Variants in SLC7A6 observed in about 807,000 individuals in gnomAD.
SLC7A6 encodes the protein solute carrier family 7 member 6.
A neutral mutation model predicts 46.6 loss-of-function variants in SLC7A6; 29 were observed. That is an observed-to-expected ratio of 0.62 (90% confidence interval 0.46 to 0.85). The LOEUF (loss-of-function observed/expected upper bound fraction) is 0.85. Among genes scored for constraint, SLC7A6 ranks in the 40% least tolerant of loss-of-function variants. The probability of loss-of-function intolerance (pLI) is 0.00; values close to 1 mark genes in which losing one functional copy is unlikely to be tolerated. For missense variants in SLC7A6, 527 were observed against 647.6 expected (o/e 0.81, Z 2.02); for synonymous variants, 276 against 257.3 (o/e 1.07, Z -0.70).
At chr16:68,280,151 C>T (rs1033234930) in intron 3 of SLC7A6, among the ~76,000 whole-genome samples, 12 of 152,068 alleles carry the variant, frequency 7.9e-5, no homozygotes, top group Admixed American at 2.6e-4. Flanking sequence ...ATAAATTGCA[C>T]GAAACCAATT....
At chr16:68,291,397 G>A in intron 6 of SLC7A6, 65 bp downstream of exon 6, 2 of 1,602,522 alleles carry the variant, frequency 1.2e-6, no homozygotes, top group South Asian at 2.2e-5. Context: ...GCACAGCTCA[G>A]TCTGTCTTAC....
intron 1 of SLC7A6, chr16:68,265,773 A>G (rs1471155056): frequency 1.3e-5 from 2 of 152,046 alleles, no homozygotes; most frequent in Non-Finnish European, 2.9e-5. Context: ...TTTCCTGGCA[A>G]GTGTGTGGAA....
chr16:68,290,168 A>G (rs1002229071), intron 4 of SLC7A6: 1 of 509,970 alleles, frequency 2.0e-6, no homozygotes, highest in African/African-American at 1.9e-5. Flanking sequence ...GGTAAAGTGT[A>G]GGGAGCTAGT....
At position 68,299,692 on chromosome 16, in the gene SLC7A6, G is replaced by A. The variant is rs1342496994; in HGVS notation, c.*2364G>A. ...GCACAGTGTTTTGTTTTTTTCACCC[G>A]GTTGCTGTATGAGAATGGCTTTCAA... On this transcript the variant is annotated 3_prime_UTR_variant, in exon 11 of 11. Transcript: ENST00000219343. The A allele has an allele frequency of 6.6e-6, 1 of 151,986 alleles. No individual in the cohort carries two copies. Among genetic ancestry groups the A allele is most frequent in the East Asian group, 1.9e-4 (1 of 5,192 alleles). 9.4% of individuals were successfully genotyped at this position (151,986 alleles called of 1,614,324 possible).
At chr16:68,284,968 T>A (rs1250741698) in intron 3 of SLC7A6, among the ~76,000 whole-genome samples, 2 of 150,320 alleles carry the variant, frequency 1.3e-5, no homozygotes, top group Admixed American at 6.7e-5. Context: ...GACTCCTGGG[T>A]TCGGCAGTTC....
chr16:68,286,202 GGA>G (rs1172865528), intron 3 of SLC7A6, among the ~76,000 whole-genome samples: 1 of 152,030 alleles, frequency 6.6e-6, no homozygotes, highest in Non-Finnish European at 1.5e-5. Flanking sequence ...ATCACCTGAG[GGA>G]GAGACTTGAG....
chr16:68,301,011 C>G lies in SLC7A6; in HGVS notation c.*3683C>G. The G allele has an allele frequency of 2.7e-6, 3 of 1,114,672 alleles. No individual in the cohort carries two copies. The highest frequency in any genetic ancestry group is 2.2e-6 in the Non-Finnish European group (2 of 914,308). The allele number at this position is 1,114,672 out of a possible 1,614,324, so 69.0% of individuals were successfully genotyped here. A position where few individuals can be genotyped will look rare whatever the true frequency, so the allele number is the denominator to read the frequency against. On this transcript the variant is annotated 3_prime_UTR_variant, in exon 11 of 11. Transcript: ENST00000219343. ...GGCCAAGAAGCTAAAGCTAAAGAAA[C>G]CTTCCTTTTTTCAACGTTTTTTTTT...
chr16:68,300,693 AAGTC>A lies in SLC7A6; in HGVS notation c.*3373_*3376del. On this transcript the variant is annotated 3_prime_UTR_variant, in exon 11 of 11. Coordinates refer to ENST00000219343, the MANE Select transcript of SLC7A6 (RefSeq NM_003983.6). ...TGTTTCTTGGCCCCACTGCCAAAGG[AAGTC>A]AGTCAGTAATTTCACAACCGTTATC... 1.0e-6 allele frequency: 1 copy of A among 985,476 alleles called. No individual in the cohort carries two copies. Among genetic ancestry groups the A allele is most frequent in the Non-Finnish European group, 1.2e-6 (1 of 829,950 alleles). 61.0% of individuals were successfully genotyped at this position (985,476 alleles called of 1,614,324 possible).
At chr16:68,277,808 G>T (rs2042740841) in intron 3 of SLC7A6, among the ~76,000 whole-genome samples, 1 of 151,066 alleles carries the variant, frequency 6.6e-6, no homozygotes, top group Non-Finnish European at 1.5e-5. Flanking sequence ...TGTATTTTTA[G>T]TAGAGACAGG....
rs116148458 is a variant in SLC7A6 at position 68,300,249 on chromosome 16, C to T, written c.*2921C>T. Reference sequence around the variant, plus strand: ...AGTGCTCAGCAGCCACCCGTGTCTACTACTACACAGTGCAGACACAGAACA... The same window carrying T: ...AGTGCTCAGCAGCCACCCGTGTCTATTACTACACAGTGCAGACACAGAACA... On this transcript the variant is annotated 3_prime_UTR_variant, in exon 11 of 11. Coordinates refer to ENST00000219343, the MANE Select transcript of SLC7A6 (RefSeq NM_003983.6). The T allele has an allele frequency of 4.6e-5, 7 of 152,344 alleles. No individual in the cohort carries two copies. Among genetic ancestry groups the T allele is most frequent in the African/African-American group, 1.7e-4 (7 of 41,580 alleles). The allele number at this position is 152,344 out of a possible 1,614,324, so 9.4% of individuals were successfully genotyped here. A position where few individuals can be genotyped will look rare whatever the true frequency, so the allele number is the denominator to read the frequency against.
chr16:68,301,415 C>T lies in SLC7A6; in HGVS notation c.*4087C>T. ...TTGTAGTCAGCAGAGCCTAGAATGACATCCCGGGAGTGGATTCTAAATGTG... is the reference window on the plus strand; with the variant it reads ...TTGTAGTCAGCAGAGCCTAGAATGATATCCCGGGAGTGGATTCTAAATGTG... On this transcript the variant is annotated 3_prime_UTR_variant, in exon 11 of 11. Coordinates refer to ENST00000219343, the MANE Select transcript of SLC7A6 (RefSeq NM_003983.6). The T allele has an allele frequency of 6.2e-7, 1 of 1,611,868 alleles. No homozygotes were observed. Among genetic ancestry groups the T allele is most frequent in the Non-Finnish European group, 8.5e-7 (1 of 1,178,630 alleles).
Position 68,297,277 on chromosome 16 carries a change from G to A in SLC7A6, c.1497G>A (p.Leu499=). ...CCCAGCAGCTTTGCTTTTGTGTCCT[G>A]ACTGAGCTTGATGTAGCCGAAGAAA... ...RGTQQLCFCV[L]TELDVAEEKK... is the part of the protein sequence containing the mutation. The change falls in exon 11 of 11, where the codon CTG becomes CTA. Residue 499 remains leucine (L), a synonymous_variant. Coordinates refer to ENST00000219343, the MANE Select transcript of SLC7A6 (RefSeq NM_003983.6). 6.2e-7 allele frequency: 1 copy of A among 1,614,146 alleles called. No individual in the cohort carries two copies. Among genetic ancestry groups the A allele is most frequent in the South Asian group, 1.1e-5 (1 of 91,080 alleles).
intron 3 of SLC7A6, among the ~76,000 whole-genome samples, chr16:68,283,251 A>G (rs2042861440): frequency 6.6e-6 from 1 of 152,204 alleles, no homozygotes. Context: ...CACATGTTAA[A>G]AGGAGGCAGT....
rs1319402480 is a variant in SLC7A6, at chr16:68,300,995, G to A, written c.*3667G>A. 1 of 1,066,996 alleles carries A rather than the reference G, an allele frequency of 9.4e-7. No individual in the cohort carries two copies. Among genetic ancestry groups the A allele is most frequent in the Non-Finnish European group, 1.1e-6 (1 of 883,370 alleles). 66.1% of individuals were successfully genotyped at this position (1,066,996 alleles called of 1,614,324 possible). A position where few individuals can be genotyped will look rare whatever the true frequency, so the allele number is the denominator to read the frequency against. ...CCAGGAAAAATTCCTGGGCCAAGAA[G>A]CTAAAGCTAAAGAAACCTTCCTTTT... On this transcript the variant is annotated 3_prime_UTR_variant, in exon 11 of 11. Coordinates refer to ENST00000219343, the MANE Select transcript of SLC7A6 (RefSeq NM_003983.6).
Position 68,297,440 on chromosome 16 carries a change from A to G in SLC7A6, c.*112A>G. ...ATTAAAGGAGCCTTTTGACCCAATC[A>G]TATAGTGGGGCTCAGGGCCAGTGCT... On this transcript the variant is annotated 3_prime_UTR_variant, in exon 11 of 11. Transcript: ENST00000219343. 1 of 800,592 alleles carries G rather than the reference A, an allele frequency of 1.2e-6. No homozygotes were observed. The highest frequency in any genetic ancestry group is 2.0e-6 in the Non-Finnish European group (1 of 509,892). 49.6% of individuals were successfully genotyped at this position (800,592 alleles called of 1,614,324 possible).
rs1005647951 is a variant in SLC7A6, at chr16:68,299,093, G to T, written c.*1765G>T. ...TCCTACTGTCATGGGTTTGGGATTT[G>T]TAACGGCAAATTCCTGCCCGACGAC... On this transcript the variant is annotated 3_prime_UTR_variant, in exon 11 of 11. Transcript: ENST00000219343. 2.0e-5 allele frequency: 3 copies of T among 152,668 alleles called. No individual in the cohort carries two copies. The highest frequency in any genetic ancestry group is 4.4e-5 in the Non-Finnish European group (3 of 68,054). 9.5% of individuals were successfully genotyped at this position (152,668 alleles called of 1,614,324 possible). A position where few individuals can be genotyped will look rare whatever the true frequency, so the allele number is the denominator to read the frequency against.
In SLC7A6 at chr16:68,297,876, C is replaced by T. The variant is rs886235872; in HGVS notation, c.*548C>T. On this transcript the variant is annotated 3_prime_UTR_variant, in exon 11 of 11. Transcript: ENST00000219343. ...CAGTTCTAACGAAGCATGCGTGTCT[C>T]TTCATCTACAGGATGCAATAGGCTG... 1.3e-5 allele frequency: 2 copies of T among 152,714 alleles called. No homozygotes were observed. The highest frequency in any genetic ancestry group is 2.9e-5 in the Non-Finnish European group (2 of 68,140). 9.5% of individuals were successfully genotyped at this position (152,714 alleles called of 1,614,324 possible). A position where few individuals can be genotyped will look rare whatever the true frequency, so the allele number is the denominator to read the frequency against.
At chr16:68,274,558 G>A in intron 2 of SLC7A6, 133 bp from the exon 3 acceptor site, 2 of 699,070 alleles carry the variant, frequency 2.9e-6, no homozygotes, top group Non-Finnish European at 4.8e-6. Context: ...GGTGGGAACT[G>A]AGACAGGCCT....
At chr16:68,296,013 C>T (rs1481005453) in intron 8 of SLC7A6, among the ~76,000 whole-genome samples, 2 of 152,084 alleles carry the variant, frequency 1.3e-5, no homozygotes, top group Non-Finnish European at 2.9e-5. Flanking sequence ...GCCAGGCAGT[C>T]GGGACCCAGG....
Sources: gnomAD v4.1 joint callset for allele counts (sites outside exome capture counted in the v4.1 genomes callset) on GRCh38, gnomAD v4.1.1 for gene constraint, MANE v1.5 for transcripts, NCBI Gene and HGNC (gene_info 2026-07-23, HGNC 2026-07-21) for gene names.